The following HROB variants were observed in gnomAD, a reference collection of about 807,000 sequenced individuals.
HROB encodes homologous recombination OB-fold protein.
HROB carries 44 observed loss-of-function variants against 61.0 expected under a neutral mutation model. The ratio of observed to expected loss-of-function variants is 0.72; its 90% confidence interval spans 0.57 to 0.93. The LOEUF is 0.93. Among genes scored for constraint, HROB ranks in the 40% least tolerant of loss-of-function variants. The pLI, the probability that HROB is intolerant of heterozygous loss-of-function variation, is 0.00. For synonymous variants in HROB, 301 were observed against 310.4 expected, an observed-to-expected ratio of 0.97 and a Z score of 0.32; for missense variants, 716 against 796.2, an observed-to-expected ratio of 0.90 and a Z score of 1.21.
intron 9 of HROB, among the ~76,000 whole-genome samples, chr17:44,158,530 C>G (rs913797597): frequency 1.3e-5 from 2 of 152,172 alleles, no homozygotes; most frequent in African/African-American, 4.8e-5. Context: ...GTTGCCCAGG[C>G]TGGAGTGCAG....
chr17:44,151,318 C>T (rs933356979), intron 4 of HROB, among the ~76,000 whole-genome samples: 1 of 152,194 alleles, frequency 6.6e-6, no homozygotes, highest in Admixed American at 6.6e-5. Flanking sequence ...CCAGCTTCCC[C>T]TGGGGGAGGA....
At chr17:44,145,987 C>T (rs1196191947) in intron 2 of HROB, among the ~76,000 whole-genome samples, 3 of 152,186 alleles carry the variant, frequency 2.0e-5, no homozygotes, top group Admixed American at 2.0e-4. Context: ...ATAAGCCCAG[C>T]ATGCATTAGC....
At chr17:44,152,876 C>A in intron 5 of HROB, 99 bp downstream of exon 5, 1 of 1,420,380 alleles carries the variant, frequency 7.0e-7, no homozygotes, top group Non-Finnish European at 9.5e-7. Context: ...TGTTTGCTCC[C>A]TCGTACCCTA....
rs1238846540 is a variant in HROB, at chr17:44,147,993, C to A, written c.190C>A (p.His64Asn). 2 of 1,614,026 alleles carry A rather than the reference C, an allele frequency of 1.2e-6. No individual in the cohort carries two copies. Among genetic ancestry groups the A allele is most frequent in the Admixed American group, 1.7e-5 (1 of 60,024 alleles). The part of the protein sequence containing the change: ...QAQSSRLLLL[H>N]PTAPSEALGL... ...ACAGTCCTCCAGGCTGCTGCTGTTA[C>A]ACCCCACTGCTCCCTCAGAGGCTTT... The change falls in exon 3 of 10, where the codon CAC becomes AAC. Residue 64 changes from histidine to asparagine, a missense_variant. Coordinates refer to ENST00000585683, the MANE Select transcript of HROB (RefSeq NM_001171251.3).
chr17:44,149,921 C>T (rs562015953), intron 3 of HROB, among the ~76,000 whole-genome samples: 1 of 152,288 alleles, frequency 6.6e-6, no homozygotes, highest in South Asian at 2.1e-4. Context: ...GCTGAGTGGG[C>T]TTTGGATGGA....
intron 1 of HROB, among the ~76,000 whole-genome samples, chr17:44,144,000 C>T (rs2053537677): frequency 1.3e-5 from 2 of 150,756 alleles, no homozygotes; most frequent in South Asian, 4.2e-4. Flanking sequence ...TTTTTTAAGA[C>T]AGAGTCTTGC....
intron 1 of HROB, among the ~76,000 whole-genome samples, 194 bp downstream of exon 1, chr17:44,142,339 C>G (rs1395317337): frequency 1.3e-5 from 2 of 152,140 alleles, no homozygotes; most frequent in African/African-American, 4.8e-5. Flanking sequence ...AAAGCATTCT[C>G]CTCCCCCGGG....
Position 44,157,821 on chromosome 17 carries a change from C to G in HROB, c.1771-12C>G. 1 of 1,606,982 alleles carries G rather than the reference C, an allele frequency of 6.2e-7. No individual in the cohort carries two copies. The highest frequency in any genetic ancestry group is 8.5e-7 in the Non-Finnish European group (1 of 1,175,698). On this transcript the variant is annotated splice_polypyrimidine_tract_variant and intron_variant, in intron 8 of 9. Coordinates refer to ENST00000585683, the MANE Select transcript of HROB (RefSeq NM_001171251.3). ...GGACACAGGCATTGGTAACCAGATC[C>G]TCTGTCCCCAGGATTCAGGGAGCTT...
intron 8 of HROB, among the ~76,000 whole-genome samples, chr17:44,156,667 T>TA (rs955663627): frequency 1.9e-4 from 28 of 151,200 alleles, no homozygotes; most frequent in Non-Finnish European, 2.4e-4. Flanking sequence ...CGGTATTTAT[T>TA]TATTTTTTTT....
Position 44,148,795 on chromosome 17 carries a change from G to C in HROB, c.992G>C (p.Ser331Thr), listed in dbSNP as rs777595724. Residue 331 changes from serine (S) to threonine (T), a missense_variant, in exon 3 of 10, where the codon AGC (serine) becomes ACC (threonine). Coordinates refer to ENST00000585683, the MANE Select transcript of HROB (RefSeq NM_001171251.3). Reference protein sequence around the residue: ...NSSCSTPSRTSSGLFPRIPLQ... With the variant: ...NSSCSTPSRTTSGLFPRIPLQ... Reference sequence around the variant, plus strand: ...AGCTGTTCTACTCCCTCAAGGACTAGCTCTGGATTATTTCCTCGGATACCC... The same window carrying C: ...AGCTGTTCTACTCCCTCAAGGACTACCTCTGGATTATTTCCTCGGATACCC... 3.7e-6 allele frequency: 6 copies of C among 1,614,074 alleles called. No individual in the cohort carries two copies. The Admixed American group carries it at 8.3e-5, about 22-fold the overall frequency.
intron 1 of HROB, among the ~76,000 whole-genome samples, chr17:44,142,773 G>A (rs1219693239): frequency 1.3e-5 from 2 of 152,122 alleles, no homozygotes; most frequent in Non-Finnish European, 2.9e-5. Flanking sequence ...CTTGGATTAG[G>A]TAGGGAAACT....
intron 8 of HROB, among the ~76,000 whole-genome samples, chr17:44,156,722 G>GTA (rs2053982105): frequency 6.7e-6 from 1 of 150,366 alleles, no homozygotes; most frequent in Non-Finnish European, 1.5e-5. Flanking sequence ...GTAGTGCAGT[G>GTA]GCATGTTCTC....
chr17:44,149,326 G>A (rs1487597258), intron 3 of HROB, among the ~76,000 whole-genome samples: 1 of 151,418 alleles, frequency 6.6e-6, no homozygotes, highest in Non-Finnish European at 1.5e-5. Flanking sequence ...TCAGCTCACT[G>A]AAACCTCTGC....
chr17:44,142,185 G>T (rs1178203251), intron 1 of HROB, 40 bp downstream of exon 1: 1 of 1,492,824 alleles, frequency 6.7e-7, no homozygotes. Flanking sequence ...GGGCCGCAGG[G>T]CCCCCTGGCC....
chr17:44,155,031 A>G (rs769310965), intron 7 of HROB, 93 bp downstream of exon 7: 5 of 1,451,386 alleles, frequency 3.4e-6, no homozygotes, highest in Non-Finnish European at 4.7e-6. Flanking sequence ...CTACAACACC[A>G]GGCACGGAGT....
chr17:44,155,565 A>G (rs1043322012), intron 8 of HROB, among the ~76,000 whole-genome samples, 154 bp downstream of exon 8: 4 of 152,142 alleles, frequency 2.6e-5, no homozygotes, highest in African/African-American at 7.2e-5. Context: ...ACCATCTCCT[A>G]TCCCTCATCC....
intron 1 of HROB, among the ~76,000 whole-genome samples, chr17:44,144,138 C>T (rs528066958): frequency 2.1e-4 from 31 of 149,436 alleles, no homozygotes; most frequent in Middle Eastern, 3.4e-3. Flanking sequence ...CCACTAGGCC[C>T]GGCTAATTTT....
chr17:44,145,302 A>C (rs1479205490), intron 2 of HROB, 49 bp downstream of exon 2: 1 of 1,603,922 alleles, frequency 6.2e-7, no homozygotes, highest in East Asian at 2.2e-5. Flanking sequence ...CTTAAAATGT[A>C]AACACTCAGG....
At chr17:44,158,943 G>T (rs1290441687) in intron 9 of HROB, among the ~76,000 whole-genome samples, 1 of 151,668 alleles carries the variant, frequency 6.6e-6, no homozygotes, top group Non-Finnish European at 1.5e-5. Context: ...CACCGCGCCC[G>T]GCCATGCCCA....
Sources: gnomAD v4.1 joint callset for allele counts (sites outside exome capture counted in the v4.1 genomes callset) on GRCh38, gnomAD v4.1.1 for gene constraint, MANE v1.5 for transcripts, NCBI Gene and HGNC (gene_info 2026-07-23, HGNC 2026-07-21) for gene names.